The following AHCYL2 variants were observed in gnomAD, a reference collection of about 807,000 sequenced individuals.
The protein encoded by AHCYL2 is adenosylhomocysteinase like 2.
AHCYL2 carries 28 observed loss-of-function variants against 81.4 expected under a neutral mutation model. The ratio of observed to expected loss-of-function variants is 0.34; its 90% CI spans 0.25 to 0.47. The LOEUF (loss-of-function observed/expected upper bound fraction) is 0.47, where lower values mean the gene tolerates loss of function less well. AHCYL2 is among the 20% of genes least tolerant of loss of function. The pLI, the probability that AHCYL2 is intolerant of heterozygous loss-of-function variation, is 1.00. For synonymous variants in AHCYL2, 272 were observed against 290.2 expected, an observed-to-expected ratio of 0.94 and a Z score of 0.64; for missense variants, 551 against 785.1, an observed-to-expected ratio of 0.70 and a Z score of 3.56.
At chr7:129,237,295 C>T (rs1489043084) in intron 1 of AHCYL2, among the ~76,000 whole-genome samples, 1 of 152,110 alleles carries the variant, frequency 6.6e-6, no homozygotes, top group African/African-American at 2.4e-5. Flanking sequence ...AAAATAGGGA[C>T]TATTTGTAAT....
At chr7:129,251,962 A>G (rs1232539017) in intron 1 of AHCYL2, among the ~76,000 whole-genome samples, 1 of 152,040 alleles carries the variant, frequency 6.6e-6, no homozygotes, top group Non-Finnish European at 1.5e-5. Context: ...TCTTCTGTTT[A>G]TCTCTTCTGT....
chr7:129,256,507 C>T (rs1488558375), intron 1 of AHCYL2, among the ~76,000 whole-genome samples: 1 of 149,750 alleles, frequency 6.7e-6, no homozygotes, highest in South Asian at 2.1e-4. Context: ...ACAATACACA[C>T]CATTTACCAT....
intron 1 of AHCYL2, among the ~76,000 whole-genome samples, chr7:129,284,854 T>A (rs1796572834): frequency 1.3e-5 from 2 of 152,160 alleles, no homozygotes; most frequent in South Asian, 4.1e-4. Context: ...AATGAAATCA[T>A]TAGTTTCTAG....
intron 1 of AHCYL2, among the ~76,000 whole-genome samples, chr7:129,312,562 C>A (rs920638276): frequency 6.6e-6 from 1 of 152,146 alleles, no homozygotes; most frequent in African/African-American, 2.4e-5. Flanking sequence ...GTGTGAGCCA[C>A]TATGCTCAGC....
intron 1 of AHCYL2, among the ~76,000 whole-genome samples, chr7:129,347,668 G>C (rs896354763): frequency 1.9e-4 from 29 of 151,992 alleles, no homozygotes; most frequent in Non-Finnish European, 3.8e-4. Flanking sequence ...CAGTGATAGT[G>C]AACAATTACA....
chr7:129,331,734 C>G (rs1345858110), intron 1 of AHCYL2, among the ~76,000 whole-genome samples: 3 of 151,476 alleles, frequency 2.0e-5, no homozygotes, highest in Admixed American at 2.0e-4. Flanking sequence ...CCTAGCTACT[C>G]TGGAGGCTGA....
chr7:129,332,240 C>T (rs201766880), intron 1 of AHCYL2, among the ~76,000 whole-genome samples: 1 of 152,028 alleles, frequency 6.6e-6, no homozygotes, highest in East Asian at 1.9e-4. Flanking sequence ...ACATGAATGA[C>T]TTTCATAACT....
intron 1 of AHCYL2, among the ~76,000 whole-genome samples, chr7:129,370,627 G>A (rs1290825926): frequency 1.3e-5 from 2 of 152,236 alleles, no homozygotes; most frequent in Non-Finnish European, 2.9e-5. Flanking sequence ...GAACCCGGGA[G>A]GCAGAGCTTA....
At position 129,427,052 on chromosome 7, in the gene AHCYL2, G is replaced by A. The variant is rs765858118; in HGVS notation, c.*7G>A. 6.2e-6 allele frequency: 10 copies of A among 1,608,954 alleles called. No individual in the cohort carries two copies. In the African/African-American group the frequency reaches 8.0e-5, roughly 13 times the overall value. ...TTTTCCCTCCAGGTATTAAGTTCCT[G>A]TAACTCAAACCAGAATTTTTAAGGA... On this transcript the variant is annotated 3_prime_UTR_variant, in exon 17 of 17. Coordinates refer to ENST00000325006, the MANE Select transcript of AHCYL2 (RefSeq NM_015328.4). This position sits in a 1 kb window ranked among gnomAD's most constrained non-coding sequence, Gnocchi z 5.5.
intron 1 of AHCYL2, among the ~76,000 whole-genome samples, chr7:129,334,977 T>G (rs1009282694): frequency 4.6e-5 from 7 of 152,238 alleles, no homozygotes; most frequent in African/African-American, 1.7e-4. Flanking sequence ...CTATATTCTG[T>G]TAATGATTTG....
intron 1 of AHCYL2, among the ~76,000 whole-genome samples, chr7:129,266,455 A>C (rs749400166): frequency 2.0e-5 from 3 of 150,018 alleles, no homozygotes; most frequent in Non-Finnish European, 4.5e-5. Context: ...TGAACCCAGG[A>C]GGCAGAGAGG....
At chr7:129,276,516 T>A in intron 1 of AHCYL2, among the ~76,000 whole-genome samples, 1 of 151,332 alleles carries the variant, frequency 6.6e-6, no homozygotes, top group East Asian at 1.9e-4. Context: ...TTTGGGAGGC[T>A]GAGGCAGGTG....
At chr7:129,341,523 C>G (rs1793179680) in intron 1 of AHCYL2, among the ~76,000 whole-genome samples, 1 of 152,154 alleles carries the variant, frequency 6.6e-6, no homozygotes, top group Non-Finnish European at 1.5e-5. Flanking sequence ...GTAGCATACT[C>G]TGAACCCCTT....
At chr7:129,261,674 T>C (rs1230604674) in intron 1 of AHCYL2, among the ~76,000 whole-genome samples, 1 of 152,238 alleles carries the variant, frequency 6.6e-6, no homozygotes, top group Non-Finnish European at 1.5e-5. Flanking sequence ...CCTTAATCTA[T>C]GATTTCAATA....
At chr7:129,284,625 G>C (rs968767919) in intron 1 of AHCYL2, among the ~76,000 whole-genome samples, 6 of 151,100 alleles carry the variant, frequency 4.0e-5, no homozygotes, top group African/African-American at 1.5e-4. Flanking sequence ...AAAAAGCTTG[G>C]AATAGTTGTT....
intron 1 of AHCYL2, among the ~76,000 whole-genome samples, chr7:129,297,243 C>T (rs1161966374): frequency 1.3e-5 from 2 of 152,116 alleles, no homozygotes; most frequent in Non-Finnish European, 2.9e-5. Flanking sequence ...TGCTATGTCC[C>T]CTGGTTAATG....
At chr7:129,260,259 C>A (rs1795578434) in intron 1 of AHCYL2, among the ~76,000 whole-genome samples, 1 of 152,090 alleles carries the variant, frequency 6.6e-6, no homozygotes, top group South Asian at 2.1e-4. Context: ...GTATAACTGT[C>A]TTTGTTGGCT....
At chr7:129,384,192 T>C (rs1215402553) in intron 2 of AHCYL2, among the ~76,000 whole-genome samples, 2 of 150,986 alleles carry the variant, frequency 1.3e-5, no homozygotes, top group African/African-American at 4.9e-5. Context: ...ATTTTCCTCC[T>C]TTATTTTTCT....
intron 1 of AHCYL2, among the ~76,000 whole-genome samples, chr7:129,345,178 T>G (rs903889570): frequency 3.9e-5 from 6 of 152,082 alleles, no homozygotes; most frequent in African/African-American, 1.4e-4. Context: ...TGGGAGAGGG[T>G]AAGAAGGAAG....
Sources: gnomAD v4.1 joint callset for allele counts (sites outside exome capture counted in the v4.1 genomes callset) on GRCh38, gnomAD v4.1.1 for gene constraint, Gnocchi (gnomAD v3.1) non-coding constraint, MANE v1.5 for transcripts, NCBI Gene and HGNC (gene_info 2026-07-23, HGNC 2026-07-21) for gene names.